The following RHOBTB1 variants were observed in gnomAD, a reference collection of about 807,000 sequenced individuals.
RHOBTB1 encodes the protein rho-related BTB domain-containing protein 1.
Under a neutral mutation model 71.6 loss-of-function variants are expected in RHOBTB1, and 40 were observed. The observed-to-expected ratio is 0.56, with a 90% CI of 0.43 to 0.73. The LOEUF (loss-of-function observed/expected upper bound fraction) is 0.73. RHOBTB1 is among the 30% of genes least tolerant of loss of function. The pLI is 0.00. For synonymous variants in RHOBTB1, 319 were observed against 334.9 expected (o/e 0.95, Z 0.52); for missense variants, 797 against 894.0 (o/e 0.89, Z 1.38).
chr10:60,903,365 C>T (rs930491093), intron 4 of RHOBTB1, among the ~76,000 whole-genome samples: 11 of 152,088 alleles, frequency 7.2e-5, no homozygotes, highest in African/African-American at 2.2e-4. Context: ...GTCTCATGCC[C>T]ATGAGTCTAG....
At chr10:60,896,364 C>A (rs954554901) in intron 4 of RHOBTB1, among the ~76,000 whole-genome samples, 4 of 152,166 alleles carry the variant, frequency 2.6e-5, no homozygotes, top group Admixed American at 6.5e-5. Flanking sequence ...TCTCACATAT[C>A]AGGCAGTAGG....
chr10:60,986,423 AT>A lies in RHOBTB1; in HGVS notation c.-162-479del, dbSNP rs1341613505. ...ATAAAAGATATATATATATATATAT[AT>A]ATATATAAAATATATATAGGCCATA... On this transcript the variant is annotated intron_variant, in intron 1 of 11. Transcript: ENST00000357917. 3.4e-4 allele frequency among the ~76,000 whole-genome samples: 49 copies of A among 144,798 alleles called. 2 individuals are homozygous for A. Among genetic ancestry groups the A allele is most frequent in the Middle Eastern group, 3.6e-3 (1 of 276 alleles). The allele number at this position is 144,798 out of a possible 152,430, so 95.0% of individuals were successfully genotyped here.
chr10:60,875,224 G>C (rs1397215761), intron 8 of RHOBTB1, among the ~76,000 whole-genome samples, 182 bp from the exon 9 acceptor site: 1 of 152,148 alleles, frequency 6.6e-6, no homozygotes, highest in African/African-American at 2.4e-5. Flanking sequence ...TTGGGGTTCT[G>C]CTGCCAGCCA....
intron 4 of RHOBTB1, among the ~76,000 whole-genome samples, chr10:60,899,525 C>T (rs2082313698): frequency 6.6e-6 from 1 of 152,224 alleles, no homozygotes; most frequent in Non-Finnish European, 1.5e-5. Context: ...CTGGGTAAAC[C>T]AGCACGATCA....
intron 7 of RHOBTB1, among the ~76,000 whole-genome samples, chr10:60,885,480 T>G (rs2081526698): frequency 6.6e-6 from 1 of 152,108 alleles, no homozygotes; most frequent in Non-Finnish European, 1.5e-5. Flanking sequence ...GAGTAAACAT[T>G]TGCTCCATTA....
At chr10:60,981,407 T>A (rs12415223) in intron 2 of RHOBTB1, among the ~76,000 whole-genome samples, 2 of 151,944 alleles carry the variant, frequency 1.3e-5, no homozygotes, top group African/African-American at 4.8e-5. Context: ...GTTAAACAGA[T>A]GAAGAAACTG....
At chr10:60,993,953 G>A (rs1259152686) in intron 1 of RHOBTB1, among the ~76,000 whole-genome samples, 1 of 151,988 alleles carries the variant, frequency 6.6e-6, no homozygotes, top group Non-Finnish European at 1.5e-5. Flanking sequence ...TAGAGCTGAG[G>A]TTCTTAGCCT....
chr10:60,886,412 C>A (rs1253472548), intron 6 of RHOBTB1, among the ~76,000 whole-genome samples, 182 bp from the exon 7 acceptor site: 1 of 152,144 alleles, frequency 6.6e-6, no homozygotes, highest in African/African-American at 2.4e-5. Context: ...CCTAAGGCAG[C>A]ATGCTGTATT....
At chr10:60,919,256 T>C (rs2083429696) in intron 2 of RHOBTB1, among the ~76,000 whole-genome samples, 1 of 152,302 alleles carries the variant, frequency 6.6e-6, no homozygotes, top group East Asian at 1.9e-4. Flanking sequence ...CATTAAAAAA[T>C]ACTAGTGCAA....
intron 2 of RHOBTB1, among the ~76,000 whole-genome samples, chr10:60,974,305 A>T (rs10994586): frequency 0.51 from 77,653 of 151,786 alleles, 20,193 homozygotes; most frequent in East Asian, 0.77. Context: ...TTCATGACTA[A>T]TTACATACTC....
intron 2 of RHOBTB1, among the ~76,000 whole-genome samples, chr10:60,920,512 A>T (rs111741816): frequency 6.6e-6 from 1 of 152,066 alleles, no homozygotes; most frequent in Non-Finnish European, 1.5e-5. Flanking sequence ...GTAGGTGGGG[A>T]TAGATCATAC....
intron 2 of RHOBTB1, among the ~76,000 whole-genome samples, chr10:60,953,638 G>A (rs1039249843): frequency 2.0e-5 from 3 of 152,060 alleles, no homozygotes; most frequent in African/African-American, 7.2e-5. Flanking sequence ...CATTTACACT[G>A]TAATTACAGT....
intron 2 of RHOBTB1, among the ~76,000 whole-genome samples, chr10:60,967,538 T>C (rs753173858): frequency 6.6e-6 from 1 of 152,038 alleles, no homozygotes; most frequent in African/African-American, 2.4e-5. Flanking sequence ...GCAATCCTGA[T>C]GGATGAGAAA....
At chr10:60,911,900 C>T (rs564151342) in intron 2 of RHOBTB1, among the ~76,000 whole-genome samples, 3 of 152,324 alleles carry the variant, frequency 2.0e-5, no homozygotes, top group South Asian at 2.1e-4. Context: ...TGGATACTCA[C>T]GTTGGCCTGC....
rs149024279 is a variant in RHOBTB1, at chr10:60,875,895, G to A, written c.1727-853C>T. Among the ~76,000 whole-genome samples the A allele has an allele frequency of 2.3e-3, 355 of 152,324 alleles. 1 individual carries two copies. The highest frequency in any genetic ancestry group is 8.1e-3 in the African/African-American group (337 of 41,572). ...TCTGAGACTGACGTGTGAGGGTACA[G>A]CCTTGGCTCAGCATTTCTAGGTCTT... On this transcript the variant is annotated intron_variant, in intron 8 of 10. Coordinates refer to ENST00000337910, the MANE Select transcript of RHOBTB1 (RefSeq NM_014836.5).
chr10:60,884,328 G>A (rs1485162094), intron 7 of RHOBTB1, among the ~76,000 whole-genome samples: 1 of 152,164 alleles, frequency 6.6e-6, no homozygotes, highest in Non-Finnish European at 1.5e-5. Flanking sequence ...GAAAAGTTTG[G>A]AAAGATGCTG....
At chr10:60,907,495 G>A (rs1258820766) in intron 4 of RHOBTB1, among the ~76,000 whole-genome samples, 1 of 152,130 alleles carries the variant, frequency 6.6e-6, no homozygotes, top group Non-Finnish European at 1.5e-5. Context: ...TCCAAAAGTG[G>A]ATATAAAGTA....
At chr10:60,959,543 C>G (rs2085709608) in intron 2 of RHOBTB1, among the ~76,000 whole-genome samples, 1 of 152,168 alleles carries the variant, frequency 6.6e-6, no homozygotes, top group African/African-American at 2.4e-5. Context: ...GTCTCTGAGC[C>G]TGGCTGCTAT....
intron 4 of RHOBTB1, among the ~76,000 whole-genome samples, chr10:60,903,825 T>C (rs2082530120): frequency 6.6e-6 from 1 of 152,172 alleles, no homozygotes; most frequent in African/African-American, 2.4e-5. Flanking sequence ...TCTGGTTCCA[T>C]TTTTTTAAGT....
Sources: allele counts gnomAD v4.1 joint callset (sites outside exome capture counted in the v4.1 genomes callset), GRCh38; gene constraint gnomAD v4.1.1; transcripts MANE v1.5; gene names NCBI Gene and HGNC (gene_info 2026-07-23, HGNC 2026-07-21).